Variants in CMC1 observed in about 807,000 individuals in gnomAD.
CMC1 encodes C-X9-C motif containing 1.
A neutral mutation model predicts 14.1 loss-of-function variants in CMC1; 14 were observed. The observed-to-expected ratio is 0.99, with a 90% CI of 0.66 to 1.55. CMC1 has a LOEUF of 1.55. Ranked by LOEUF, CMC1 falls within the 40% of genes most tolerant of loss-of-function variation. The pLI is 0.00. For synonymous variants in CMC1, 50 were observed against 38.4 expected, an observed-to-expected ratio of 1.30 and a Z score of -1.12; for missense variants, 127 against 123.8, an observed-to-expected ratio of 1.03 and a Z score of -0.12.
intron 2 of CMC1, among the ~76,000 whole-genome samples, chr3:28,264,152 T>A (rs951587717): frequency 2.6e-5 from 4 of 152,178 alleles, no homozygotes; most frequent in South Asian, 2.1e-4. Context: ...AGTAATAAAC[T>A]TTTATGGGCA....
At chr3:28,291,838 G>A (rs1005081448) in intron 2 of CMC1, 1 of 152,110 alleles carries the variant, frequency 6.6e-6, no homozygotes, top group Non-Finnish European at 1.5e-5. Context: ...GTAGCCTTCA[G>A]GAATGTTTCC....
At chr3:28,250,295 C>T (rs1485475605) in intron 1 of CMC1, among the ~76,000 whole-genome samples, 1 of 152,100 alleles carries the variant, frequency 6.6e-6, no homozygotes, top group Non-Finnish European at 1.5e-5. Flanking sequence ...GGAGAAATCA[C>T]TTTTTAGTGC....
intron 1 of CMC1, among the ~76,000 whole-genome samples, chr3:28,242,498 G>A (rs1318586333): frequency 6.6e-6 from 1 of 152,176 alleles, no homozygotes; most frequent in East Asian, 1.9e-4. Flanking sequence ...GATACAAAAA[G>A]TCAAAACATT....
chr3:28,275,193 G>T (rs1322547185), intron 2 of CMC1, among the ~76,000 whole-genome samples: 1 of 152,038 alleles, frequency 6.6e-6, no homozygotes, highest in Non-Finnish European at 1.5e-5. Context: ...TGAGTTTTCT[G>T]TGTTTTTTAG....
rs1382870620 is a variant in CMC1, at chr3:28,241,692, C to T, written c.-102C>T. 1.6e-6 allele frequency: 2 copies of T among 1,236,496 alleles called. No homozygotes were observed. The highest frequency in any genetic ancestry group is 3.2e-5 in the East Asian group (1 of 31,662). 76.6% of individuals were successfully genotyped at this position (1,236,496 alleles called of 1,614,324 possible). On this transcript the variant is annotated 5_prime_UTR_variant, in exon 1 of 4. Transcript: ENST00000466830. ...CCCGTGTTTCTGTTGCGGGAAGCTC[C>T]CGGGGGTCGCACGTGCGTCCGAGCC...
At chr3:28,255,578 A>T (rs1699357799) in intron 1 of CMC1, among the ~76,000 whole-genome samples, 1 of 152,084 alleles carries the variant, frequency 6.6e-6, no homozygotes, top group South Asian at 2.1e-4. Flanking sequence ...AGCTAAGGAA[A>T]AAGAGAATGT....
intron 2 of CMC1, among the ~76,000 whole-genome samples, chr3:28,302,774 T>C (rs1268772930): frequency 6.6e-6 from 1 of 152,226 alleles, no homozygotes; most frequent in Non-Finnish European, 1.5e-5. Context: ...GTCTACCTTA[T>C]TCTTTCCTGT....
chr3:28,313,988 G>A (rs1462897097), intron 2 of CMC1, among the ~76,000 whole-genome samples: 1 of 152,132 alleles, frequency 6.6e-6, no homozygotes, highest in Non-Finnish European at 1.5e-5. Flanking sequence ...TGGGTGAACT[G>A]GTCTGGTATA....
intron 2 of CMC1, among the ~76,000 whole-genome samples, chr3:28,274,220 C>CTTTTTTTTTT (rs544985268): frequency 7.1e-5 from 8 of 112,320 alleles, no homozygotes; most frequent in African/African-American, 2.0e-4. Flanking sequence ...TTGTTTTTTT[C>CTTTTTTTTTT]TTTTTTTTTT....
intron 1 of CMC1, 144 bp downstream of exon 1, chr3:28,241,956 T>C: frequency 1.2e-6 from 1 of 816,028 alleles, no homozygotes; most frequent in Non-Finnish European, 1.6e-6. Context: ...ACCCGGCGGC[T>C]GCTTCGCCCG....
chr3:28,252,738 A>T (rs1295436432), intron 1 of CMC1, among the ~76,000 whole-genome samples: 6 of 152,174 alleles, frequency 3.9e-5, no homozygotes, highest in Admixed American at 3.9e-4. Flanking sequence ...GTGTCATTGA[A>T]GGTTTAGAGC....
chr3:28,289,116 T>A (rs1246695487), intron 2 of CMC1, among the ~76,000 whole-genome samples: 1 of 151,606 alleles, frequency 6.6e-6, no homozygotes, highest in African/African-American at 2.4e-5. Flanking sequence ...AGGTTTTTTT[T>A]AAGTTTTTGA....
intron 2 of CMC1, among the ~76,000 whole-genome samples, chr3:28,277,737 T>C (rs367923605): frequency 6.6e-6 from 1 of 152,116 alleles, no homozygotes; most frequent in African/African-American, 2.4e-5. Flanking sequence ...AGGAATATCA[T>C]GTGCAAAGAC....
chr3:28,249,382 T>C (rs769612297), intron 1 of CMC1, among the ~76,000 whole-genome samples: 24 of 152,242 alleles, frequency 1.6e-4, no homozygotes, highest in Admixed American at 3.3e-4. Context: ...AACTATCAAA[T>C]ACTAAAACTC....
chr3:28,258,298 A>C (rs1254956104), intron 1 of CMC1, among the ~76,000 whole-genome samples: 2 of 151,466 alleles, frequency 1.3e-5, no homozygotes, highest in Admixed American at 6.6e-5. Context: ...AAATGATTTC[A>C]TATTAGTGAA....
chr3:28,264,984 G>A (rs573831510), intron 2 of CMC1, among the ~76,000 whole-genome samples: 14 of 152,234 alleles, frequency 9.2e-5, no homozygotes, highest in Non-Finnish European at 1.5e-4. Flanking sequence ...AAATGAAAGC[G>A]TAGAGTATAA....
rs1703138016 is a variant in CMC1, at chr3:28,320,078, A to C, written c.*449A>C. 6.4e-6 allele frequency: 1 copy of C among 156,204 alleles called. No individual in the cohort carries two copies. The highest frequency in any genetic ancestry group is 1.4e-5 in the Non-Finnish European group (1 of 70,982). The allele number at this position is 156,204 out of a possible 1,614,324, so 9.7% of individuals were successfully genotyped here. A position where few individuals can be genotyped will look rare whatever the true frequency, so the allele number is the denominator to read the frequency against. On this transcript the variant is annotated 3_prime_UTR_variant, in exon 4 of 4. Transcript: ENST00000466830. ...TGATTCTACCACTTATTAGCTATAC[A>C]GCTGTGGAAGTAAATCTAATACAGT...
intron 2 of CMC1, among the ~76,000 whole-genome samples, chr3:28,304,418 T>C (rs1361466834): frequency 1.3e-5 from 2 of 152,010 alleles, no homozygotes; most frequent in Non-Finnish European, 2.9e-5. Context: ...TCCTAGAGAA[T>C]TGAAAATAAA....
intron 2 of CMC1, among the ~76,000 whole-genome samples, chr3:28,315,478 G>T (rs1280760592): frequency 6.6e-6 from 1 of 152,200 alleles, no homozygotes; most frequent in African/African-American, 2.4e-5. Flanking sequence ...GCAGGGTTGT[G>T]TAAAAGCAAA....
Sources: gnomAD v4.1 joint callset for allele counts (sites outside exome capture counted in the v4.1 genomes callset) on GRCh38, gnomAD v4.1.1 for gene constraint, MANE v1.5 for transcripts, NCBI Gene and HGNC (gene_info 2026-07-23, HGNC 2026-07-21) for gene names.